Variants in RGPD2 observed in about 807,000 individuals in gnomAD.
RGPD2 encodes RANBP2 like and GRIP domain containing 2, also known as RANBP2-like and GRIP domain-containing protein 2.
RGPD2 carries 2 observed loss-of-function variants against 36.0 expected under a neutral mutation model. The ratio of observed to expected loss-of-function variants is 0.06; its 90% CI spans 0.02 to 0.17. The LOEUF is 0.17. Ranked by LOEUF, RGPD2 falls within the 10% of genes least tolerant of loss-of-function variation. The pLI, the probability that RGPD2 is intolerant of heterozygous loss-of-function variation, is 1.00. For missense variants in RGPD2, 40 were observed against 464.3 expected, an observed-to-expected ratio of 0.09 and a Z score of 8.40; for synonymous variants, 19 against 163.8, an observed-to-expected ratio of 0.12 and a Z score of 6.75.
the RGPD2 span, among the ~76,000 whole-genome samples, chr2:87,874,108 G>T: frequency 6.9e-6 from 1 of 145,534 alleles, no homozygotes. Context: ...CCTAGACCCT[G>T]GATACTAGAC....
At chr2:87,824,817 C>T (rs1427725495) in intron 1 of RGPD2, 1 of 80,216 alleles carries the variant, frequency 1.2e-5, no homozygotes, top group Non-Finnish European at 2.3e-5. Flanking sequence ...GCCGCCCGGC[C>T]AGGCCGAGGC....
the RGPD2 span, among the ~76,000 whole-genome samples, chr2:87,877,208 G>A: frequency 6.6e-6 from 1 of 151,606 alleles, no homozygotes; most frequent in Non-Finnish European, 1.5e-5. Flanking sequence ...TTACCTTTAA[G>A]GTTAGCATTG....
intron 22 of RGPD2, among the ~76,000 whole-genome samples, chr2:87,769,503 T>G (rs1217697881): frequency 6.7e-6 from 1 of 149,358 alleles, no homozygotes; most frequent in Non-Finnish European, 1.5e-5. Flanking sequence ...TGAAATTCTT[T>G]AAAAATATCT....
chr2:87,827,541 T>G (rs1686857662), upstream of RGPD2, among the ~76,000 whole-genome samples: 1 of 132,640 alleles, frequency 7.5e-6, no homozygotes, highest in Admixed American at 7.9e-5. Flanking sequence ...GAAGCACACT[T>G]TATATTGCCT....
chr2:87,809,277 C>T (rs1448804869), intron 6 of RGPD2, among the ~76,000 whole-genome samples: 5 of 149,978 alleles, frequency 3.3e-5, no homozygotes, highest in African/African-American at 1.2e-4. Context: ...TGCACTCCAG[C>T]CTGGGCAACA....
the RGPD2 span, among the ~76,000 whole-genome samples, chr2:87,860,992 ATAAT>A: frequency 1.1e-3 from 165 of 152,222 alleles, no homozygotes; most frequent in South Asian, 1.7e-3. Flanking sequence ...TATTAATGAG[ATAAT>A]TAATGTATGT....
intron 22 of RGPD2, among the ~76,000 whole-genome samples, chr2:87,761,090 T>C (rs1285284457): frequency 1.8e-5 from 1 of 56,788 alleles, no homozygotes; most frequent in Non-Finnish European, 3.4e-5. Flanking sequence ...GATTCTTTCA[T>C]TGGCCATATC....
chr2:87,875,507 C>T, the RGPD2 span, among the ~76,000 whole-genome samples: 1 of 152,338 alleles, frequency 6.6e-6, no homozygotes, highest in South Asian at 2.1e-4. Context: ...GAATCACATT[C>T]ATTGCTTTGC....
At chr2:87,876,248 G>A in the RGPD2 span, among the ~76,000 whole-genome samples, 2 of 128,190 alleles carry the variant, frequency 1.6e-5, no homozygotes, top group African/African-American at 6.1e-5. Context: ...TTGGTTATTT[G>A]TTGTCATCTG....
chr2:87,930,711 G>A, the RGPD2 span, among the ~76,000 whole-genome samples: 3 of 150,802 alleles, frequency 2.0e-5, no homozygotes, highest in African/African-American at 4.9e-5. Context: ...TTTTGGGTTG[G>A]TAGACTACTT....
the RGPD2 span, among the ~76,000 whole-genome samples, chr2:87,976,368 G>T: frequency 6.6e-5 from 10 of 152,270 alleles, no homozygotes; most frequent in East Asian, 1.9e-3. Context: ...ATCATGAAAA[G>T]GGGAAGAGCA....
the RGPD2 span, chr2:87,989,636 T>C: frequency 1.6e-6 from 1 of 625,292 alleles, no homozygotes; most frequent in Non-Finnish European, 2.4e-6. Flanking sequence ...AAATTCTGTA[T>C]TCTGTCAAAT....
chr2:87,989,417 G>T, the RGPD2 span, among the ~76,000 whole-genome samples: 1 of 151,946 alleles, frequency 6.6e-6, no homozygotes, highest in East Asian at 1.9e-4. Flanking sequence ...TCATCAAAAG[G>T]ACATTTAGTT....
intron 17 of RGPD2, among the ~76,000 whole-genome samples, chr2:87,790,853 CTTTT>C (rs1685686043): frequency 7.1e-6 from 1 of 141,116 alleles, no homozygotes; most frequent in African/African-American, 2.5e-5. Context: ...AAAGAACCTA[CTTTT>C]ATTTCCAATT....
the RGPD2 span, among the ~76,000 whole-genome samples, chr2:87,933,618 T>C: frequency 6.7e-6 from 1 of 149,304 alleles, no homozygotes; most frequent in African/African-American, 2.5e-5. Flanking sequence ...ATTTAGTTAT[T>C]TATTTAAATT....
At chr2:87,849,476 C>T in the RGPD2 span, among the ~76,000 whole-genome samples, 1 of 151,752 alleles carries the variant, frequency 6.6e-6, no homozygotes, top group Middle Eastern at 3.2e-3. Flanking sequence ...TTTTCCAAAA[C>T]ATTATCATAA....
intron 1 of RGPD2, among the ~76,000 whole-genome samples, chr2:87,822,108 C>A (rs1686393445): frequency 6.6e-6 from 1 of 152,140 alleles, no homozygotes; most frequent in South Asian, 2.1e-4. Context: ...TCTGTGGAGT[C>A]CCAACAAGGG....
the RGPD2 span, among the ~76,000 whole-genome samples, chr2:87,907,466 ATTGTGGGTATG>A: frequency 0.063 from 271 of 4,320 alleles, 2 homozygotes; most frequent in East Asian, 0.076. Flanking sequence ...AAAAAAAAGA[ATTGTGGGTATG>A]AAATAGGAAA....
the RGPD2 span, among the ~76,000 whole-genome samples, chr2:87,866,952 A>C: frequency 1.3e-5 from 2 of 152,256 alleles, no homozygotes. Flanking sequence ...TGCATAGAGG[A>C]AGAGGTTCTT....
Sources: allele counts gnomAD v4.1 joint callset (sites outside exome capture counted in the v4.1 genomes callset), GRCh38; gene constraint gnomAD v4.1.1; transcripts MANE v1.5; gene names NCBI Gene and HGNC (gene_info 2026-07-23, HGNC 2026-07-21).